The following TASP1 variants were observed in gnomAD, a reference collection of about 807,000 sequenced individuals.
The protein encoded by TASP1 is threonine aspartase 1.
Under a neutral mutation model 56.6 loss-of-function variants are expected in TASP1, and 16 were observed. The observed-to-expected ratio is 0.28, with a 90% confidence interval of 0.19 to 0.43. TASP1 has a LOEUF of 0.43. TASP1 is among the 20% of genes least tolerant of loss of function. The pLI is 1.00. For missense variants in TASP1, 393 were observed against 511.6 expected (o/e 0.77, Z 2.24); for synonymous variants, 179 against 184.2 (o/e 0.97, Z 0.23).
chr20:13,488,677 T>C (rs2043414408), intron 10 of TASP1, among the ~76,000 whole-genome samples: 1 of 152,146 alleles, frequency 6.6e-6, no homozygotes, highest in African/African-American at 2.4e-5. Context: ...CCTCCAGTTA[T>C]CCACACTACC....
At chr20:13,181,821 C>G in the TASP1 span, among the ~76,000 whole-genome samples, 3 of 152,060 alleles carry the variant, frequency 2.0e-5, no homozygotes, top group Non-Finnish European at 2.9e-5. Flanking sequence ...TAAATTTTAC[C>G]TTATAATGAC....
At chr20:13,536,489 C>A (rs1400883099) in intron 8 of TASP1, among the ~76,000 whole-genome samples, 5 of 152,142 alleles carry the variant, frequency 3.3e-5, no homozygotes, top group African/African-American at 1.2e-4. Context: ...CTTTGAATAG[C>A]AAACAAATCT....
At chr20:13,242,491 T>C in the TASP1 span, among the ~76,000 whole-genome samples, 37 of 152,226 alleles carry the variant, frequency 2.4e-4, no homozygotes, top group African/African-American at 8.7e-4. Context: ...TTGATTATCA[T>C]GGAGGAAAAG....
At chr20:13,575,926 T>C (rs897940215) in intron 6 of TASP1, among the ~76,000 whole-genome samples, 1 of 151,808 alleles carries the variant, frequency 6.6e-6, no homozygotes, top group African/African-American at 2.4e-5. Flanking sequence ...ATGTAAAAAA[T>C]CTTAGCTGGG....
At chr20:13,278,918 G>A in the TASP1 span, among the ~76,000 whole-genome samples, 2 of 152,166 alleles carry the variant, frequency 1.3e-5, no homozygotes, top group Non-Finnish European at 1.5e-5. Context: ...AGTGGTCTAG[G>A]CTAAGCTTCC....
intron 10 of TASP1, among the ~76,000 whole-genome samples, chr20:13,505,854 A>G (rs1187575331): frequency 1.3e-5 from 2 of 152,098 alleles, no homozygotes; most frequent in Non-Finnish European, 2.9e-5. Flanking sequence ...ATAAACTAGA[A>G]AAAGAAAAAC....
the TASP1 span, chr20:13,221,766 G>A: frequency 1.4e-6 from 2 of 1,431,706 alleles, no homozygotes; most frequent in Non-Finnish European, 1.8e-6. Flanking sequence ...AAAGCCGCGC[G>A]TCTCAAAAGG....
At chr20:13,417,346 C>A in intron 13 of TASP1, 102 bp downstream of exon 13, 1 of 1,172,568 alleles carries the variant, frequency 8.5e-7, no homozygotes, top group Non-Finnish European at 1.2e-6. Context: ...AAAGCTACTG[C>A]CCAAAAAAAG....
At chr20:13,236,906 C>T in the TASP1 span, among the ~76,000 whole-genome samples, 193 of 152,352 alleles carry the variant, frequency 1.3e-3, 2 homozygotes, top group African/African-American at 4.5e-3. Context: ...CCTCCAGCTG[C>T]TTTCAGGGGC....
At chr20:13,292,636 T>C in the TASP1 span, among the ~76,000 whole-genome samples, 256 of 152,242 alleles carry the variant, frequency 1.7e-3, 1 homozygote, top group Middle Eastern at 6.8e-3. Flanking sequence ...GAGAAAACAG[T>C]CCTAAGCCTC....
At chr20:13,547,980 T>C (rs1332424945) in intron 8 of TASP1, among the ~76,000 whole-genome samples, 1 of 151,842 alleles carries the variant, frequency 6.6e-6, no homozygotes, top group East Asian at 1.9e-4. Flanking sequence ...AGCAGCACAA[T>C]AGCTTAAAGA....
intron 1 of TASP1, among the ~76,000 whole-genome samples, chr20:13,635,412 C>A (rs976694646): frequency 2.2e-5 from 3 of 138,324 alleles, no homozygotes; most frequent in African/African-American, 5.7e-5. Flanking sequence ...TTTTGAGACA[C>A]AGTCTCGCTC....
chr20:13,592,101 C>CA (rs1304283607), intron 4 of TASP1, among the ~76,000 whole-genome samples: 7 of 151,984 alleles, frequency 4.6e-5, no homozygotes, highest in African/African-American at 1.2e-4. Context: ...GCCATATCAA[C>CA]AATTACATTA....
intron 4 of TASP1, among the ~76,000 whole-genome samples, chr20:13,620,645 C>T (rs7261441): frequency 0.014 from 2,207 of 152,306 alleles, 63 homozygotes; most frequent in African/African-American, 0.05. Context: ...AGAACAATGA[C>T]TGTTTGCATC....
chr20:13,601,628 A>G (rs2047959808), intron 4 of TASP1, among the ~76,000 whole-genome samples: 1 of 151,998 alleles, frequency 6.6e-6, no homozygotes, highest in African/African-American at 2.4e-5. Flanking sequence ...AAAACTCCCC[A>G]CTCCTTAAGT....
chr20:13,157,005 T>C, the TASP1 span, among the ~76,000 whole-genome samples: 3 of 152,226 alleles, frequency 2.0e-5, no homozygotes, highest in Non-Finnish European at 4.4e-5. Context: ...CAACTTAAGA[T>C]TGTTTTTTAA....
At chr20:13,188,649 C>A in the TASP1 span, among the ~76,000 whole-genome samples, 1 of 152,130 alleles carries the variant, frequency 6.6e-6, no homozygotes, top group Non-Finnish European at 1.5e-5. Flanking sequence ...CATCAAATAA[C>A]CACCAGTAAC....
At chr20:13,146,009 A>G in the TASP1 span, among the ~76,000 whole-genome samples, 1 of 152,222 alleles carries the variant, frequency 6.6e-6, no homozygotes, top group Admixed American at 6.5e-5. Flanking sequence ...ACAATAGCAA[A>G]GACATGGAAT....
At chr20:13,244,816 G>C in the TASP1 span, among the ~76,000 whole-genome samples, 1 of 152,166 alleles carries the variant, frequency 6.6e-6, no homozygotes, top group African/African-American at 2.4e-5. Context: ...TTTCACCTAA[G>C]TGTCATATTC....
Sources: allele counts gnomAD v4.1 joint callset (sites outside exome capture counted in the v4.1 genomes callset), GRCh38; gene constraint gnomAD v4.1.1; transcripts MANE v1.5; gene names NCBI Gene and HGNC (gene_info 2026-07-23, HGNC 2026-07-21).